ANXA11: variants seen among roughly 807,000 people sequenced by gnomAD.
ANXA11 encodes 56 kDa autoantigen.
ANXA11 carries 57 observed loss-of-function variants against 64.7 expected under a neutral mutation model. That is an observed-to-expected ratio of 0.88 (90% CI 0.71 to 1.10). The LOEUF is 1.10. ANXA11 is among the 50% of genes least tolerant of loss of function. The pLI is 0.00. For missense variants in ANXA11, 675 were observed against 670.7 expected, an observed-to-expected ratio of 1.01 and a Z score of -0.07; for synonymous variants, 260 against 265.2, an observed-to-expected ratio of 0.98 and a Z score of 0.19.
intron 7 of ANXA11, 36 bp from the exon 8 acceptor site, chr10:80,166,233 A>G (rs775936299): frequency 7.7e-7 from 1 of 1,302,062 alleles, no homozygotes; most frequent in South Asian, 1.2e-5. Flanking sequence ...CAACAAAAAA[A>G]AAAACAAGTC....
At chr10:80,186,288 G>A (rs914422547) in intron 1 of ANXA11, among the ~76,000 whole-genome samples, 1 of 152,074 alleles carries the variant, frequency 6.6e-6, no homozygotes, top group Non-Finnish European at 1.5e-5. Context: ...TGTGGGGACT[G>A]AAGGGGGAAG....
At chr10:80,159,023 G>C in intron 13 of ANXA11, 77 bp downstream of exon 13, 1 of 1,091,646 alleles carries the variant, frequency 9.2e-7, no homozygotes, top group Non-Finnish European at 1.4e-6. Context: ...CCATCAGCTG[G>C]AGGACAGGCG....
At chr10:80,190,539 G>A (rs989657226) in intron 1 of ANXA11, among the ~76,000 whole-genome samples, 3 of 136,212 alleles carry the variant, frequency 2.2e-5, no homozygotes, top group African/African-American at 8.5e-5. Flanking sequence ...AGGCCGGACT[G>A]CAGTAGCCCT....
At chr10:80,198,883 G>C (rs1252137108) in intron 1 of ANXA11, among the ~76,000 whole-genome samples, 1 of 152,090 alleles carries the variant, frequency 6.6e-6, no homozygotes, top group Non-Finnish European at 1.5e-5. Flanking sequence ...AGGAATGCAT[G>C]CAAGTATAAT....
intron 15 of ANXA11, 104 bp downstream of exon 15, chr10:80,157,537 A>G: frequency 6.6e-7 from 1 of 1,519,840 alleles, no homozygotes; most frequent in South Asian, 1.3e-5. Context: ...CAAGATGCCC[A>G]CACACAGCAC....
chr10:80,186,055 C>G (rs568217841), intron 1 of ANXA11, among the ~76,000 whole-genome samples: 2 of 152,278 alleles, frequency 1.3e-5, no homozygotes, highest in Middle Eastern at 6.8e-3. Flanking sequence ...CCAGACTACC[C>G]AGGTTCACAT....
chr10:80,198,689 A>G (rs912312084), intron 1 of ANXA11, among the ~76,000 whole-genome samples: 2 of 152,136 alleles, frequency 1.3e-5, no homozygotes, highest in Non-Finnish European at 2.9e-5. Flanking sequence ...TGCCAAGACA[A>G]TCTCATGGAA....
intron 1 of ANXA11, among the ~76,000 whole-genome samples, chr10:80,180,683 TAC>T (rs140861029): frequency 2.6e-5 from 4 of 151,710 alleles, no homozygotes; most frequent in African/African-American, 7.3e-5. Context: ...AACCTGTTTT[TAC>T]ACACACACAC....
chr10:80,193,373 A>G (rs899079366), intron 1 of ANXA11, among the ~76,000 whole-genome samples: 1 of 152,218 alleles, frequency 6.6e-6, no homozygotes, highest in Non-Finnish European at 1.5e-5. Flanking sequence ...AGAAAGGGAA[A>G]GAGGAAGGAT....
chr10:80,191,318 C>A (rs1846765710), intron 1 of ANXA11, among the ~76,000 whole-genome samples: 1 of 152,090 alleles, frequency 6.6e-6, no homozygotes, highest in Non-Finnish European at 1.5e-5. Flanking sequence ...AACCCAGGAG[C>A]TACAGGTTGC....
rs202013833 is a variant in ANXA11, at chr10:80,156,473, T to C, written c.1459-561A>G. 561 of 471,632 alleles carry C rather than the reference T, an allele frequency of 1.2e-3. 2 individuals carry two copies. Among genetic ancestry groups the C allele is most frequent in the Non-Finnish European group, 1.9e-3 (424 of 227,248 alleles). 29.2% of individuals were successfully genotyped at this position (471,632 alleles called of 1,614,324 possible). A position where few individuals can be genotyped will look rare whatever the true frequency, so the allele number is the denominator to read the frequency against. ...GCATGTGGCTTCTTCCAGATGTCCA[T>C]AGCTTGCTGGCATGCAGGAGATACT... On this transcript the variant is annotated intron_variant, in intron 15 of 15. Coordinates refer to ENST00000422982, the MANE Select transcript of ANXA11 (RefSeq NM_145868.2).
intron 11 of ANXA11, among the ~76,000 whole-genome samples, 157 bp from the exon 12 acceptor site, chr10:80,162,185 C>G (rs1451517837): frequency 6.6e-6 from 1 of 152,188 alleles, no homozygotes. Flanking sequence ...GCCTGCTAGG[C>G]CTCAGGTAGC....
rs535836793 is a variant in ANXA11, at chr10:80,152,550, C to G, written c.*3303G>C. The G allele has an allele frequency of 6.5e-6, 1 of 152,678 alleles. No individual in the cohort carries two copies. Among genetic ancestry groups the G allele is most frequent in the South Asian group, 2.1e-4 (1 of 4,832 alleles). 9.5% of individuals were successfully genotyped at this position (152,678 alleles called of 1,614,324 possible). Reference sequence around the variant, plus strand: ...GCCCAGGGTCAGGTTCCAGCCCATGCTGAGGTTCGAGGGGACTGGGTGGAT... The same window carrying G: ...GCCCAGGGTCAGGTTCCAGCCCATGGTGAGGTTCGAGGGGACTGGGTGGAT... On this transcript the variant is annotated 3_prime_UTR_variant, in exon 16 of 16. Coordinates refer to ENST00000422982, the MANE Select transcript of ANXA11 (RefSeq NM_145868.2).
Position 80,170,853 on chromosome 10 carries a change from C to A in ANXA11, c.118G>T (p.Asp40Tyr), listed in dbSNP as rs368751524. 1 of 1,528,904 alleles carries A rather than the reference C, an allele frequency of 6.5e-7. No homozygotes were observed. The highest frequency in any genetic ancestry group is 8.7e-7 in the Non-Finnish European group (1 of 1,143,240). 94.7% of individuals were successfully genotyped at this position (1,528,904 alleles called of 1,614,324 possible). The change falls in exon 4 of 16, where the codon GAT becomes TAT. Residue 40 changes from aspartate (D) to tyrosine (Y), a missense_variant. Physicochemically the swap from Asp to Tyr is radical, Grantham distance 160. Transcript: ENST00000422982. ...PPPSMPPIGL[D>Y]NVATYAGQFN... Reference sequence around the variant, plus strand: ...TGCCCCGCATAGGTGGCCACGTTATCCAGCCCGATGGGGGGCATGCTGGGC... The same window carrying A: ...TGCCCCGCATAGGTGGCCACGTTATACAGCCCGATGGGGGGCATGCTGGGC...
rs868018850 is a variant in ANXA11, at chr10:80,160,093, C to G, written c.1181-898G>C. 9.8e-5 allele frequency among the ~76,000 whole-genome samples: 15 copies of G among 152,330 alleles called. 1 individual carries two copies. In the Middle Eastern group the frequency reaches 0.024, roughly 242 times the overall value. On this transcript the variant is annotated intron_variant, in intron 12 of 15. Transcript: ENST00000422982. Reference sequence around the variant, plus strand: ...AGGACATAAAACTCTCCTTCCCCAGCCTGAGTCTCAGCTACCATTTGCATT... The same window carrying G: ...AGGACATAAAACTCTCCTTCCCCAGGCTGAGTCTCAGCTACCATTTGCATT...
rs552210502 is a variant in ANXA11 at position 80,171,578 on chromosome 10, T to C, written c.56-663A>G. 7 of 958,626 alleles carry C rather than the reference T, an allele frequency of 7.3e-6. No individual in the cohort carries two copies. The African/African-American group carries it at 1.2e-4, about 17-fold the overall frequency. The allele number at this position is 958,626 out of a possible 1,614,324, so 59.4% of individuals were successfully genotyped here. A position where few individuals can be genotyped will look rare whatever the true frequency, so the allele number is the denominator to read the frequency against. The stretch of plus-strand genomic sequence containing the variant: ...TACAAATGGGCTAATGGTGAGTGTA[T>C]GCCTAGACTGCTGTGACGAAGACTG... On this transcript the variant is annotated intron_variant, in intron 3 of 15. Transcript: ENST00000422982.
chr10:80,155,756 G>A lies in ANXA11; in HGVS notation c.*97C>T, dbSNP rs866169122. 8.4e-7 allele frequency: 1 copy of A among 1,187,654 alleles called. No homozygotes were observed. The allele number at this position is 1,187,654 out of a possible 1,614,324, so 73.6% of individuals were successfully genotyped here. ...TAAGCTCTAGGACGGTGAATCTCGG[G>A]GCTATTTGTGGATTTGTTAGAAACA... On this transcript the variant is annotated 3_prime_UTR_variant, in exon 16 of 16. Transcript: ENST00000422982.
In ANXA11 at chr10:80,169,081, ACTGGTGGCTGCCCAGGGTAGGCCC is replaced by A. The variant is rs778150752; in HGVS notation, c.425_448del (p.Gly142_Pro149del). ...CACTGGAGGCTGACCAGGGTAGGTC[ACTGGTGGCTGCCCAGGGTAGGCCC>A]CTGGGGGCTGCTGTCCGGGGGGTGG... On this transcript the variant is annotated inframe_deletion, in exon 5 of 16. Transcript: ENST00000422982. 15 of 1,535,434 alleles carry A rather than the reference ACTGGTGGCTGCCCAGGGTAGGCCC, an allele frequency of 9.8e-6. No homozygotes were observed. The Admixed American group carries it at 3.1e-4, about 32-fold the overall frequency.
rs765034447 is a variant in ANXA11 at position 80,159,002 on chromosome 10, C to T, written c.1276+98G>A. On this transcript the variant is annotated intron_variant, in intron 13 of 15. Coordinates refer to ENST00000422982, the MANE Select transcript of ANXA11 (RefSeq NM_145868.2). The stretch of plus-strand genomic sequence containing the variant: ...GCGATCTTGGATCCTGTGGTCCCTT[C>T]ACGGTGTCACCCATCAGCTGGAGGA... 762 of 882,080 alleles carry T rather than the reference C, an allele frequency of 8.6e-4. 2 individuals carry two copies. Among genetic ancestry groups the T allele is most frequent in the Non-Finnish European group, 1.2e-3 (614 of 530,518 alleles). 54.6% of individuals were successfully genotyped at this position (882,080 alleles called of 1,614,324 possible).
Sources: allele counts gnomAD v4.1 joint callset (sites outside exome capture counted in the v4.1 genomes callset), GRCh38; gene constraint gnomAD v4.1.1; transcripts MANE v1.5; gene names NCBI Gene and HGNC (gene_info 2026-07-23, HGNC 2026-07-21).